The following CIMIP6 variants were observed in gnomAD, a reference collection of about 807,000 sequenced individuals.
CIMIP6 encodes uncharacterized protein C2orf73.
chr2:54,331,045 A>G, the CIMIP6 span: 26 of 1,606,422 alleles, frequency 1.6e-5, no homozygotes, highest in Middle Eastern at 1.7e-4. Flanking sequence ...TCCAAAAACT[A>G]TTTTCCTCCT....
the CIMIP6 span, among the ~76,000 whole-genome samples, chr2:54,331,935 C>A: frequency 1.4e-3 from 220 of 152,248 alleles, no homozygotes; most frequent in Non-Finnish European, 2.5e-3. Context: ...TGGGAACCAG[C>A]CCCAGAGATT....
chr2:54,375,575 A>G, the CIMIP6 span, among the ~76,000 whole-genome samples: 17 of 152,346 alleles, frequency 1.1e-4, no homozygotes, highest in Admixed American at 3.9e-4. Context: ...ACACGTGTAT[A>G]TGTTTTTACT....
the CIMIP6 span, chr2:54,361,597 T>C: frequency 6.6e-6 from 1 of 152,136 alleles, no homozygotes; most frequent in African/African-American, 2.4e-5. Context: ...AATGTCATTA[T>C]ATTTTTTTGT....
chr2:54,350,299 C>T, the CIMIP6 span, among the ~76,000 whole-genome samples: 1 of 152,178 alleles, frequency 6.6e-6, no homozygotes, highest in Non-Finnish European at 1.5e-5. Context: ...AATTTAATTG[C>T]TTAAAACAAC....
chr2:54,369,257 C>T, the CIMIP6 span, among the ~76,000 whole-genome samples: 1 of 152,064 alleles, frequency 6.6e-6, no homozygotes, highest in Non-Finnish European at 1.5e-5. Context: ...TGAAATGAAC[C>T]TGGACTTACA....
the CIMIP6 span, among the ~76,000 whole-genome samples, chr2:54,355,084 G>C: frequency 1.3e-5 from 2 of 151,874 alleles, no homozygotes; most frequent in African/African-American, 4.8e-5. Context: ...TGAAATTTTG[G>C]CTTCACAGTT....
chr2:54,367,400 T>C, the CIMIP6 span, among the ~76,000 whole-genome samples: 1 of 152,076 alleles, frequency 6.6e-6, no homozygotes, highest in African/African-American at 2.4e-5. Flanking sequence ...AAATTGGTAA[T>C]TTTCCTGGTC....
At chr2:54,377,793 A>G in the CIMIP6 span, among the ~76,000 whole-genome samples, 1 of 152,224 alleles carries the variant, frequency 6.6e-6, no homozygotes, top group African/African-American at 2.4e-5. Context: ...GTTGGAGTCA[A>G]ATAGACCAGT....
the CIMIP6 span, chr2:54,381,934 T>C: frequency 6.5e-6 from 10 of 1,549,460 alleles, no homozygotes; most frequent in Non-Finnish European, 7.8e-6. Flanking sequence ...CACGGGCATG[T>C]TTTTTTAGGT....
the CIMIP6 span, chr2:54,339,818 C>T: frequency 7.7e-3 from 915 of 119,344 alleles, 291 homozygotes; most frequent in Middle Eastern, 0.013. Context: ...GCTTGGCTTA[C>T]GACCTCTTGC....
chr2:54,352,929 C>T, the CIMIP6 span, among the ~76,000 whole-genome samples: 7 of 152,160 alleles, frequency 4.6e-5, no homozygotes, highest in African/African-American at 1.7e-4. Flanking sequence ...ACCAACTGTA[C>T]ATTAGATCTT....
At chr2:54,336,254 TTTTGTGGTC>T in the CIMIP6 span, among the ~76,000 whole-genome samples, 1 of 152,328 alleles carries the variant, frequency 6.6e-6, no homozygotes, top group Non-Finnish European at 1.5e-5. Context: ...CCCTATGCCC[TTTTGTGGTC>T]ATTCCCTTCC....
the CIMIP6 span, among the ~76,000 whole-genome samples, chr2:54,355,684 C>G: frequency 2.6e-5 from 4 of 152,082 alleles, no homozygotes; most frequent in African/African-American, 9.6e-5. Context: ...GTCTGATTTT[C>G]TAGTTCATGA....
the CIMIP6 span, among the ~76,000 whole-genome samples, chr2:54,378,907 G>A: frequency 6.6e-6 from 1 of 152,278 alleles, no homozygotes; most frequent in African/African-American, 2.4e-5. Context: ...ACTGTCCTTT[G>A]CAGGGATTTA....
the CIMIP6 span, among the ~76,000 whole-genome samples, chr2:54,368,613 C>T: frequency 1.3e-5 from 2 of 152,178 alleles, no homozygotes; most frequent in African/African-American, 4.8e-5. Flanking sequence ...GCCAGATAGT[C>T]AGTGTGATTT....
At chr2:54,380,125 C>T in the CIMIP6 span, among the ~76,000 whole-genome samples, 1 of 151,890 alleles carries the variant, frequency 6.6e-6, no homozygotes, top group South Asian at 2.1e-4. Context: ...GCTTAGGCAG[C>T]AGAGCAAGAC....
At chr2:54,350,504 T>C in the CIMIP6 span, among the ~76,000 whole-genome samples, 1 of 152,164 alleles carries the variant, frequency 6.6e-6, no homozygotes, top group African/African-American at 2.4e-5. Context: ...TCCAGCAGGG[T>C]AGCTGGACTT....
the CIMIP6 span, among the ~76,000 whole-genome samples, chr2:54,350,680 C>G: frequency 6.6e-6 from 1 of 152,204 alleles, no homozygotes; most frequent in Non-Finnish European, 1.5e-5. Flanking sequence ...ACTGGGAGGC[C>G]TGATTCATTG....
the CIMIP6 span, among the ~76,000 whole-genome samples, chr2:54,335,628 T>A: frequency 1.3e-5 from 2 of 152,264 alleles, no homozygotes; most frequent in South Asian, 4.1e-4. Flanking sequence ...TATTCCATTA[T>A]CTTTTTTACA....
Sources: allele counts gnomAD v4.1 joint callset (sites outside exome capture counted in the v4.1 genomes callset), GRCh38; gene constraint gnomAD v4.1.1; transcripts MANE v1.5; gene names NCBI Gene and HGNC (gene_info 2026-07-23, HGNC 2026-07-21).